The following PSG9 variants were observed in gnomAD, a reference collection of about 807,000 sequenced individuals.
PSG9 encodes pregnancy specific beta-1-glycoprotein 9.
PSG9 carries 49 observed loss-of-function variants against 41.9 expected under a neutral mutation model. The ratio of observed to expected loss-of-function variants is 1.17; its 90% confidence interval spans 0.93 to 1.48. The LOEUF is 1.48. Among genes scored for constraint, PSG9 ranks in the 40% most tolerant of loss-of-function variants. The pLI, the probability that PSG9 is intolerant of heterozygous loss-of-function variation, is 0.00. For synonymous variants in PSG9, 263 were observed against 196.8 expected, an observed-to-expected ratio of 1.34 and a Z score of -2.82; for missense variants, 641 against 520.3, an observed-to-expected ratio of 1.23 and a Z score of -2.26.
In PSG9 at chr19:43,258,191, G is replaced by T; in HGVS notation, c.1243+11C>A. ...AAAACCCTACTGCCAAGGATGCTGG[G>T]ATCCACTTACCAGAGACTTTGACTG... On this transcript the variant is annotated intron_variant, in intron 5 of 5. Transcript: ENST00000270077. 1 of 1,592,624 alleles carries T rather than the reference G, an allele frequency of 6.3e-7. No homozygotes were observed. The highest frequency in any genetic ancestry group is 1.7e-4 in the Middle Eastern group (1 of 5,882).
intron 5 of PSG9, among the ~76,000 whole-genome samples, chr19:43,256,641 A>G (rs1968452852): frequency 6.8e-6 from 1 of 146,580 alleles, no homozygotes; most frequent in Admixed American, 6.8e-5. Flanking sequence ...ACAATGCTAC[A>G]CCACCTCACA....
At chr19:43,264,283 A>G (rs1391423697) in intron 2 of PSG9, among the ~76,000 whole-genome samples, 29 of 152,152 alleles carry the variant, frequency 1.9e-4, no homozygotes, top group Non-Finnish European at 8.8e-5. Context: ...CTATTGTCAA[A>G]ACAAAATATT....
Position 43,258,928 on chromosome 19 carries a change from C to G in PSG9, c.917G>C (p.Gly306Ala). ...GTCCCGTATTTCACATTGATAGGGTCCTGTTTCATTTCTCGTGACACTGGG... is the reference window on the plus strand; with the variant it reads ...GTCCCGTATTTCACATTGATAGGGTGCTGTTTCATTTCTCGTGACACTGGG... Reference protein sequence around the residue: ...ILPSVTRNETGPYQCEIRDRY... With the variant: ...ILPSVTRNETAPYQCEIRDRY... The change falls in exon 4 of 6, where the codon GGA (glycine) becomes GCA (alanine). Residue 306 changes from glycine to alanine, a missense_variant. Physicochemically the swap from Gly to Ala is moderately conservative, Grantham distance 60. Coordinates refer to ENST00000270077, the MANE Select transcript of PSG9 (RefSeq NM_002784.5). 6.3e-7 allele frequency: 1 copy of G among 1,589,678 alleles called. No individual in the cohort carries two copies. The highest frequency in any genetic ancestry group is 8.5e-7 in the Non-Finnish European group (1 of 1,174,094).
At chr19:43,258,740 G>T (rs555852654) in intron 4 of PSG9, 117 bp downstream of exon 4, 5 of 1,476,944 alleles carry the variant, frequency 3.4e-6, no homozygotes, top group Non-Finnish European at 3.6e-6. Flanking sequence ...TGGCCACCTC[G>T]GATGTCTAGA....
intron 2 of PSG9, among the ~76,000 whole-genome samples, chr19:43,262,711 G>C (rs888055098): frequency 6.6e-6 from 1 of 152,148 alleles, no homozygotes; most frequent in Non-Finnish European, 1.5e-5. Context: ...TCAGGCAGTG[G>C]AGCCACAAGG....
chr19:43,257,360 C>T (rs1466982843), intron 5 of PSG9: 3 of 966,878 alleles, frequency 3.1e-6, no homozygotes, highest in Non-Finnish European at 3.7e-6. Context: ...GTCTGGTAGT[C>T]TTACCCTCTC....
At chr19:43,263,352 TA>T (rs1245228920) in intron 2 of PSG9, among the ~76,000 whole-genome samples, 1 of 152,148 alleles carries the variant, frequency 6.6e-6, no homozygotes, top group Non-Finnish European at 1.5e-5. Flanking sequence ...TAATTTTTTT[TA>T]TTTTGGAATA....
At chr19:43,265,281 T>A (rs1968914321) in intron 2 of PSG9, among the ~76,000 whole-genome samples, 1 of 152,164 alleles carries the variant, frequency 6.6e-6, no homozygotes, top group Admixed American at 6.5e-5. Context: ...GTTTCTATAA[T>A]CCCTGACTGC....
chr19:43,255,738 A>G (rs1422559385), intron 5 of PSG9, among the ~76,000 whole-genome samples: 1 of 146,958 alleles, frequency 6.8e-6, no homozygotes, highest in African/African-American at 2.6e-5. Context: ...AAATTAAGAA[A>G]AAAATTTCAA....
intron 5 of PSG9, among the ~76,000 whole-genome samples, chr19:43,256,809 T>A (rs1213522775): frequency 6.8e-6 from 1 of 146,774 alleles, no homozygotes; most frequent in Non-Finnish European, 1.5e-5. Context: ...TCTCAAAAAA[T>A]TAAACAATAA....
At chr19:43,255,077 C>T (rs1968397425) in intron 5 of PSG9, among the ~76,000 whole-genome samples, 1 of 125,740 alleles carries the variant, frequency 8.0e-6, no homozygotes, top group African/African-American at 3.3e-5. Flanking sequence ...GGCTGGCCTA[C>T]AGAGTGAGAG....
In PSG9 at chr19:43,258,395, G is replaced by A. The variant is rs573691621; in HGVS notation, c.1050C>T (p.Leu350=). ...SFTYYRSGEN[L]DLSCFTESNP... ...TAGATTCCGTGAAGCAGGACAAGTC[G>A]AGGTTTTCTCCTGAACGGTAATAGG... The change falls in exon 5 of 6, where the codon CTC becomes CTT. Residue 350 remains leucine, a synonymous_variant. Coordinates refer to ENST00000270077, the MANE Select transcript of PSG9 (RefSeq NM_002784.5). The A allele has an allele frequency of 5.6e-5, 89 of 1,592,060 alleles. 10 individuals carry two copies. The South Asian group carries it at 5.9e-4, about 11-fold the overall frequency.
intron 2 of PSG9, among the ~76,000 whole-genome samples, chr19:43,262,355 A>G (rs554886859): frequency 1.1e-4 from 17 of 152,174 alleles, no homozygotes; most frequent in South Asian, 4.1e-4. Context: ...GACTTTCTTA[A>G]GTGTGAATTG....
At chr19:43,261,468 A>G (rs1279174991) in intron 3 of PSG9, among the ~76,000 whole-genome samples, 1 of 152,162 alleles carries the variant, frequency 6.6e-6, no homozygotes, top group African/African-American at 2.4e-5. Flanking sequence ...CATGTGGAGC[A>G]AAGAGAATAA....
chr19:43,268,158 G>C lies in PSG9; in HGVS notation c.65-9C>G, dbSNP rs767222772. On this transcript the variant is annotated splice_polypyrimidine_tract_variant and intron_variant, in intron 1 of 5. Coordinates refer to ENST00000270077, the MANE Select transcript of PSG9 (RefSeq NM_002784.5). ...GAAGTTTAAAAGTGATGCTAGGAGGGGGAGACAGCATCAGTTAATATTGAG... is the reference window on the plus strand; with the variant it reads ...GAAGTTTAAAAGTGATGCTAGGAGGCGGAGACAGCATCAGTTAATATTGAG... 1 of 1,589,610 alleles carries C rather than the reference G, an allele frequency of 6.3e-7. No homozygotes were observed. The highest frequency in any genetic ancestry group is 1.7e-5 in the Admixed American group (1 of 57,382).
intron 1 of PSG9, 105 bp from the exon 2 acceptor site, chr19:43,268,254 A>G: frequency 3.5e-6 from 5 of 1,412,902 alleles, no homozygotes; most frequent in Non-Finnish European, 3.8e-6. Flanking sequence ...AGCCTTGAAG[A>G]TACACACACG....
At chr19:43,260,286 G>A (rs549044419) in intron 3 of PSG9, 2 of 147,158 alleles carry the variant, frequency 1.4e-5, no homozygotes, top group African/African-American at 5.1e-5. Flanking sequence ...AGTTCACACA[G>A]ATTGAGTATT....
chr19:43,266,562 TG>T (rs1968977294), intron 2 of PSG9, among the ~76,000 whole-genome samples: 2 of 152,080 alleles, frequency 1.3e-5, no homozygotes, highest in South Asian at 4.2e-4. Context: ...CGTTCAGTGA[TG>T]GGGGTTAAGA....
chr19:43,265,473 G>A (rs927999384), intron 2 of PSG9, among the ~76,000 whole-genome samples: 2 of 152,054 alleles, frequency 1.3e-5, no homozygotes, highest in Admixed American at 6.5e-5. Context: ...GCCCCTACCT[G>A]GAGGCAGATT....
Sources: allele counts gnomAD v4.1 joint callset (sites outside exome capture counted in the v4.1 genomes callset), GRCh38; gene constraint gnomAD v4.1.1; transcripts MANE v1.5; gene names NCBI Gene and HGNC (gene_info 2026-07-23, HGNC 2026-07-21).